The following HINT3 variants were observed in gnomAD, a reference collection of about 807,000 sequenced individuals.
HINT3 encodes histidine triad nucleotide binding protein 3.
A neutral mutation model predicts 19.1 loss-of-function variants in HINT3; 16 were observed. The observed-to-expected ratio is 0.84, with a 90% CI of 0.57 to 1.27. HINT3 has a LOEUF of 1.27. Ranked by LOEUF, HINT3 falls within the 50% of genes most tolerant of loss-of-function variation. The pLI is 0.00. For missense variants in HINT3, 197 were observed against 225.8 expected, an observed-to-expected ratio of 0.87 and a Z score of 0.82; for synonymous variants, 75 against 84.8, an observed-to-expected ratio of 0.88 and a Z score of 0.63.
intron 2 of HINT3, among the ~76,000 whole-genome samples, chr6:125,969,184 T>C (rs961487882): frequency 1.3e-5 from 2 of 152,208 alleles, no homozygotes; most frequent in African/African-American, 4.8e-5. Flanking sequence ...TATTTGTATA[T>C]GGTGAAAGGT....
chr6:125,966,742 G>A (rs567375048), intron 1 of HINT3, 145 bp from the exon 2 acceptor site: 22 of 518,990 alleles, frequency 4.2e-5, no homozygotes, highest in East Asian at 2.8e-4. Context: ...AACTTAATGC[G>A]TAATTATAAA....
chr6:125,961,801 A>C (rs1476615902), intron 1 of HINT3, among the ~76,000 whole-genome samples: 1 of 151,982 alleles, frequency 6.6e-6, no homozygotes, highest in Non-Finnish European at 1.5e-5. Context: ...TTCTGTATTA[A>C]TGTGACTGGA....
At chr6:125,975,073 G>T (rs1291105652) in intron 4 of HINT3, 100 bp downstream of exon 4, 11 of 1,076,714 alleles carry the variant, frequency 1.0e-5, no homozygotes, top group Non-Finnish European at 1.5e-5. Flanking sequence ...AGCTCTCATA[G>T]ACTTGATTAC....
intron 1 of HINT3, among the ~76,000 whole-genome samples, chr6:125,966,006 G>A (rs1789012044): frequency 6.6e-6 from 1 of 152,102 alleles, no homozygotes. Context: ...GAGAACTATT[G>A]AGCAGCATTG....
At chr6:125,975,469 A>G (rs920888875) in intron 4 of HINT3, among the ~76,000 whole-genome samples, 3 of 152,018 alleles carry the variant, frequency 2.0e-5, no homozygotes, top group Non-Finnish European at 1.5e-5. Flanking sequence ...TGCTACCTCT[A>G]TTGTATCATC....
chr6:125,964,350 A>C (rs1048985233), intron 1 of HINT3, among the ~76,000 whole-genome samples: 2 of 152,306 alleles, frequency 1.3e-5, no homozygotes, highest in East Asian at 3.9e-4. Context: ...AAAGCAAGGT[A>C]CATTTGGAGA....
chr6:125,971,824 C>T (rs926693432), intron 2 of HINT3, among the ~76,000 whole-genome samples: 1 of 147,142 alleles, frequency 6.8e-6, no homozygotes, highest in African/African-American at 2.5e-5. Context: ...ATTCTCTTGC[C>T]TCAGCCTCCC....
At chr6:125,960,399 C>T (rs1788901829) in intron 1 of HINT3, among the ~76,000 whole-genome samples, 3 of 152,190 alleles carry the variant, frequency 2.0e-5, no homozygotes, top group Admixed American at 2.0e-4. Flanking sequence ...TGGCAAACGC[C>T]TGTAATCCCA....
At position 125,979,284 on chromosome 6, in the gene HINT3, T is replaced by A. The variant is rs1380415332; in HGVS notation, c.*1608T>A. On this transcript the variant is annotated 3_prime_UTR_variant, in exon 5 of 5. Transcript: ENST00000229633. ...AAAAGTAGATTTAGAGAGATTTTTT[T>A]ATCACTGTTTTATGATATAGTTCAC... The A allele has an allele frequency of 1.3e-5, 2 of 152,224 alleles. No individual in the cohort carries two copies. The highest frequency in any genetic ancestry group is 6.5e-5 in the Admixed American group (1 of 15,282). 9.4% of individuals were successfully genotyped at this position (152,224 alleles called of 1,614,324 possible).
intron 4 of HINT3, 27 bp downstream of exon 4, chr6:125,975,000 A>T: frequency 2.5e-6 from 4 of 1,603,936 alleles, no homozygotes; most frequent in Non-Finnish European, 2.6e-6. Context: ...TGTCAGCAGC[A>T]TACAAAAATA....
At chr6:125,976,665 G>A (rs1789183593) in intron 4 of HINT3, among the ~76,000 whole-genome samples, 1 of 151,388 alleles carries the variant, frequency 6.6e-6, no homozygotes, top group Non-Finnish European at 1.5e-5. Flanking sequence ...TTTCTTATAG[G>A]AAATACTTTT....
intron 1 of HINT3, among the ~76,000 whole-genome samples, chr6:125,958,386 C>T (rs552927667): frequency 6.6e-6 from 1 of 152,220 alleles, no homozygotes; most frequent in Admixed American, 6.5e-5. Flanking sequence ...TGAAACTTCA[C>T]AATGTTTAAT....
At chr6:125,957,242 GA>G in intron 1 of HINT3, 64 bp downstream of exon 1, 1 of 1,466,432 alleles carries the variant, frequency 6.8e-7, no homozygotes, top group Non-Finnish European at 9.1e-7. Context: ...CTCCGGCAGG[GA>G]GGCCTCGCCG....
At chr6:125,964,395 G>GT (rs35752037) in intron 1 of HINT3, among the ~76,000 whole-genome samples, 108,777 of 152,026 alleles carry the variant, frequency 0.72, 39,481 homozygotes, top group East Asian at 0.95. Context: ...TCTCTACCAT[G>GT]TCTCTTTCTC....
At chr6:125,974,131 A>G (rs544317580) in intron 3 of HINT3, among the ~76,000 whole-genome samples, 16 of 152,136 alleles carry the variant, frequency 1.1e-4, no homozygotes, top group Non-Finnish European at 2.2e-4. Flanking sequence ...AAATATTTCT[A>G]GGCTTTGATT....
At position 125,957,137 on chromosome 6, in the gene HINT3, GCGGGGCGGCAGGACC is replaced by G. The variant is rs1562210575; in HGVS notation, c.165_179del (p.Arg56_Gly60del). On this transcript the variant is annotated inframe_deletion, in exon 1 of 5. Coordinates refer to ENST00000229633, the MANE Select transcript of HINT3 (RefSeq NM_138571.5). ...CAGCACCTGCGTGTTCTGCCGGATCGCGGGGCGGCAGGACCCGGGCACCGAACTCCTGCACTGCGA... is the reference window on the plus strand; with the variant it reads ...CAGCACCTGCGTGTTCTGCCGGATCGCGGGCACCGAACTCCTGCACTGCGA... 1 of 1,550,282 alleles carries G rather than the reference GCGGGGCGGCAGGACC, an allele frequency of 6.5e-7. No individual in the cohort carries two copies. Among genetic ancestry groups the G allele is most frequent in the South Asian group, 1.2e-5 (1 of 84,056 alleles).
intron 1 of HINT3, among the ~76,000 whole-genome samples, chr6:125,960,671 A>AGGGGGC (rs1562211533): frequency 1.1e-5 from 1 of 92,514 alleles, no homozygotes; most frequent in Non-Finnish European, 2.2e-5. Flanking sequence ...GGGGGAAAAA[A>AGGGGGC]AAAGAAGTTA....
At chr6:125,959,766 C>G (rs1051517963) in intron 1 of HINT3, among the ~76,000 whole-genome samples, 80 of 152,058 alleles carry the variant, frequency 5.3e-4, no homozygotes, top group African/African-American at 1.8e-3. Flanking sequence ...TGGGAAGATG[C>G]CTATAGAGAG....
intron 3 of HINT3, among the ~76,000 whole-genome samples, chr6:125,973,749 T>C (rs1789142116): frequency 6.6e-6 from 1 of 152,184 alleles, no homozygotes; most frequent in Admixed American, 6.6e-5. Flanking sequence ...TTCACAGTCA[T>C]AGGATACTTA....
Sources: allele counts gnomAD v4.1 joint callset (sites outside exome capture counted in the v4.1 genomes callset), GRCh38; gene constraint gnomAD v4.1.1; transcripts MANE v1.5; gene names NCBI Gene and HGNC (gene_info 2026-07-23, HGNC 2026-07-21).